LRRC4C: variants seen among roughly 807,000 people sequenced by gnomAD.
LRRC4C encodes the protein leucine-rich repeat-containing protein 4C.
A neutral mutation model predicts 33.6 loss-of-function variants in LRRC4C; 5 were observed. The observed-to-expected ratio is 0.15, with a 90% confidence interval of 0.08 to 0.31. The LOEUF is 0.31. LRRC4C is among the 10% of genes least tolerant of loss of function. The probability of loss-of-function intolerance (pLI) is 1.00; values close to 1 mark genes in which losing one functional copy is unlikely to be tolerated. For missense variants in LRRC4C, 560 were observed against 796.7 expected (o/e 0.70, Z 3.58); for synonymous variants, 329 against 302.0 (o/e 1.09, Z -0.93).
At chr11:40,138,617 G>C (rs12273845) in intron 6 of LRRC4C, among the ~76,000 whole-genome samples, 1 of 152,070 alleles carries the variant, frequency 6.6e-6, no homozygotes, top group Admixed American at 6.5e-5. Flanking sequence ...TGCCAGCTCC[G>C]GATTCATTTT....
intron 4 of LRRC4C, among the ~76,000 whole-genome samples, chr11:40,281,314 T>C (rs1035159899): frequency 6.6e-6 from 1 of 152,164 alleles, no homozygotes; most frequent in South Asian, 2.1e-4. Flanking sequence ...TTTGAATTCA[T>C]TCATCCACAC....
intron 1 of LRRC4C, among the ~76,000 whole-genome samples, chr11:41,444,987 G>T (rs1188387695): frequency 2.0e-5 from 3 of 151,742 alleles, no homozygotes; most frequent in East Asian, 1.9e-4. Flanking sequence ...ATTTTTAGTA[G>T]AGACAGGGTT....
intron 2 of LRRC4C, among the ~76,000 whole-genome samples, chr11:40,860,979 T>A (rs1008556513): frequency 6.6e-6 from 1 of 152,068 alleles, no homozygotes; most frequent in Non-Finnish European, 1.5e-5. Context: ...AATGGTAATT[T>A]CATGTTATGT....
intron 1 of LRRC4C, among the ~76,000 whole-genome samples, chr11:41,118,277 C>A (rs938142771): frequency 1.3e-5 from 2 of 152,166 alleles, no homozygotes; most frequent in African/African-American, 4.8e-5. Flanking sequence ...TGGCTTCCCT[C>A]TTACATTATG....
chr11:41,128,761 G>T (rs1942872200), intron 1 of LRRC4C, among the ~76,000 whole-genome samples: 1 of 151,862 alleles, frequency 6.6e-6, no homozygotes, highest in South Asian at 2.1e-4. Context: ...CTAATTCCCA[G>T]ATTAAAACAT....
intron 2 of LRRC4C, among the ~76,000 whole-genome samples, chr11:40,802,165 C>T (rs974977655): frequency 3.3e-5 from 5 of 152,160 alleles, no homozygotes; most frequent in Admixed American, 2.6e-4. Context: ...TGCAGCCAGG[C>T]TAATCACAAC....
At chr11:40,172,222 G>A (rs1299471677) in intron 5 of LRRC4C, among the ~76,000 whole-genome samples, 1 of 152,122 alleles carries the variant, frequency 6.6e-6, no homozygotes, top group African/African-American at 2.4e-5. Context: ...AGAACATTCT[G>A]TTATTTATAA....
At chr11:40,536,037 T>A (rs1174639896) in intron 3 of LRRC4C, among the ~76,000 whole-genome samples, 1 of 152,214 alleles carries the variant, frequency 6.6e-6, no homozygotes, top group Non-Finnish European at 1.5e-5. Context: ...CATTATTATA[T>A]GTCCACAACT....
Position 40,257,542 on chromosome 11 carries a change from C to T in LRRC4C, c.-175-15944G>A, listed in dbSNP as rs148715455. ...CTGAGAAAGAAGCCGCTTGATGCAG[C>T]CCCGAAGAGTCATCTTGACTCGCCT... On this transcript the variant is annotated intron_variant, in intron 4 of 6. Transcript: ENST00000528697. Among the ~76,000 whole-genome samples, 395 of 152,230 alleles carry T rather than the reference C, an allele frequency of 2.6e-3. 6 individuals are homozygous for T. Among genetic ancestry groups the T allele is most frequent in the Admixed American group, 0.021 (314 of 15,282 alleles).
In LRRC4C at chr11:40,557,145, A is replaced by G. The variant is rs372484731; in HGVS notation, c.-270+90997T>C. 7.2e-5 allele frequency among the ~76,000 whole-genome samples: 11 copies of G among 152,208 alleles called. No homozygotes were observed. In the South Asian group the frequency reaches 1.2e-3, roughly 17 times the overall value. Reference sequence around the variant, plus strand: ...GGTGGTTATTTTTGGTACCAATTCCATAACAAAAATAGTGCAATATAATAT... The same window carrying G: ...GGTGGTTATTTTTGGTACCAATTCCGTAACAAAAATAGTGCAATATAATAT... On this transcript the variant is annotated intron_variant, in intron 3 of 6. Transcript: ENST00000528697.
At chr11:41,268,881 A>G (rs1949234423) in intron 1 of LRRC4C, among the ~76,000 whole-genome samples, 2 of 151,744 alleles carry the variant, frequency 1.3e-5, no homozygotes, top group African/African-American at 4.8e-5. Context: ...AAAAAAAAAC[A>G]CAGAAAAAGA....
rs147888509 is a variant in LRRC4C, at chr11:40,888,258, T to C, written c.-407+45377A>G. 4.7e-3 allele frequency among the ~76,000 whole-genome samples: 717 copies of C among 152,026 alleles called. 3 individuals are homozygous for C. The highest frequency in any genetic ancestry group is 0.031 in the Middle Eastern group (9 of 294). On this transcript the variant is annotated intron_variant, in intron 2 of 6. Transcript: ENST00000528697. Reference sequence around the variant, plus strand: ...TATAGATATAAACATACATGAAATATGTCAATGATAATTTATAATAAAATG... The same window carrying C: ...TATAGATATAAACATACATGAAATACGTCAATGATAATTTATAATAAAATG...
intron 1 of LRRC4C, among the ~76,000 whole-genome samples, chr11:41,172,036 T>C (rs1037775210): frequency 1.3e-5 from 2 of 151,956 alleles, no homozygotes; most frequent in African/African-American, 2.4e-5. Context: ...AAAAGGCAAA[T>C]GATGATCCAG....
chr11:40,422,236 G>A (rs767264730), intron 3 of LRRC4C, among the ~76,000 whole-genome samples: 3 of 152,174 alleles, frequency 2.0e-5, no homozygotes, highest in South Asian at 4.1e-4. Context: ...TAACACGGAG[G>A]AAAGGGGGTG....
chr11:40,424,882 T>C (rs1466661477), intron 3 of LRRC4C, among the ~76,000 whole-genome samples: 1 of 152,206 alleles, frequency 6.6e-6, no homozygotes, highest in Non-Finnish European at 1.5e-5. Flanking sequence ...TTTTATATAG[T>C]ATGTGTCTGT....
intron 3 of LRRC4C, among the ~76,000 whole-genome samples, chr11:40,542,988 C>A (rs72885135): frequency 6.6e-6 from 1 of 151,960 alleles, no homozygotes; most frequent in African/African-American, 2.4e-5. Context: ...GGTTGTAAAT[C>A]GAATCTTTCA....
chr11:41,258,184 C>T (rs16935494), intron 1 of LRRC4C, among the ~76,000 whole-genome samples: 6,933 of 151,904 alleles, frequency 0.046, 202 homozygotes, highest in South Asian at 0.075. Context: ...GATCCCTGAT[C>T]GCCTAGGGAA....
chr11:40,746,928 G>T (rs1052159264), intron 2 of LRRC4C, among the ~76,000 whole-genome samples: 1 of 152,154 alleles, frequency 6.6e-6, no homozygotes, highest in Non-Finnish European at 1.5e-5. Flanking sequence ...TCCTGCCACT[G>T]CCACTGTTAT....
chr11:41,206,027 A>C (rs2136288589), intron 1 of LRRC4C, among the ~76,000 whole-genome samples: 1 of 152,118 alleles, frequency 6.6e-6, no homozygotes, highest in Non-Finnish European at 1.5e-5. Context: ...ATCACCGTTA[A>C]CCCCCTTCAA....
Sources: allele counts gnomAD v4.1 joint callset (sites outside exome capture counted in the v4.1 genomes callset), GRCh38; gene constraint gnomAD v4.1.1; transcripts MANE v1.5; gene names NCBI Gene and HGNC (gene_info 2026-07-23, HGNC 2026-07-21).